Variants in DIAPH2 observed in about 807,000 individuals in gnomAD.
DIAPH2 encodes the protein diaphanous related formin 2.
In DIAPH2, 35 loss-of-function variants were observed where a neutral mutation model predicts 92.7. The observed-to-expected ratio is 0.38, with a 90% confidence interval of 0.29 to 0.50. The LOEUF is 0.50. DIAPH2 is among the 20% of genes least tolerant of loss of function. The probability of loss-of-function intolerance (pLI) is 0.94; values close to 1 mark genes in which losing one functional copy is unlikely to be tolerated. For missense variants in DIAPH2, 701 were observed against 819.5 expected (o/e 0.86, Z 1.77); for synonymous variants, 301 against 280.4 (o/e 1.07, Z -0.73).
intron 19 of DIAPH2, among the ~76,000 whole-genome samples, chrX:97,094,234 A>G (rs2066849204): frequency 9.0e-6 from 1 of 111,667 alleles, no homozygotes; most frequent in South Asian, 3.8e-4. Flanking sequence ...TTCATTTGGC[A>G]TTATCAGCAG....
intron 15 of DIAPH2, 63 bp downstream of exon 15, chrX:96,949,102 T>C (rs5920613): frequency 0.073 from 55,366 of 759,920 alleles, 2,630 homozygotes; most frequent in African/African-American, 0.3. Flanking sequence ...GAAAATTATC[T>C]TGTTATATAG....
intron 23 of DIAPH2, among the ~76,000 whole-genome samples, chrX:97,334,998 C>CAAAAAAAAAAAAAAAAA (rs746536131): frequency 1.1e-3 from 35 of 31,439 alleles, no homozygotes; most frequent in African/African-American, 1.7e-3. Context: ...AAAAACAAAA[C>CAAAAAAAAAAAAAAAAA]AAAAAAAAAA....
chrX:97,192,983 C>CATTAT (rs2067667238), intron 22 of DIAPH2, among the ~76,000 whole-genome samples: 1 of 104,266 alleles, frequency 9.6e-6, no homozygotes, highest in South Asian at 4.1e-4. Flanking sequence ...CTAAATAATA[C>CATTAT]ATTATTTCTT....
chrX:97,178,767 T>C (rs780267963), intron 22 of DIAPH2, among the ~76,000 whole-genome samples: 1 of 111,418 alleles, frequency 9.0e-6, no homozygotes, highest in South Asian at 3.8e-4. Flanking sequence ...TGTGATAGTA[T>C]TAAGAGGTGA....
At chrX:97,039,337 A>G (rs1348544601) in intron 17 of DIAPH2, among the ~76,000 whole-genome samples, 2 of 110,504 alleles carry the variant, frequency 1.8e-5, no homozygotes, top group Non-Finnish European at 3.8e-5. Flanking sequence ...GCAGTTTGCA[A>G]TTTTTTCCTG....
intron 22 of DIAPH2, among the ~76,000 whole-genome samples, chrX:97,203,594 C>A (rs2067771287): frequency 8.9e-6 from 1 of 111,827 alleles, no homozygotes; most frequent in African/African-American, 3.3e-5. Context: ...AGTTCCTGGA[C>A]ACATACACCC....
intron 22 of DIAPH2, among the ~76,000 whole-genome samples, chrX:97,210,226 A>T (rs546341497): frequency 2.4e-4 from 27 of 112,118 alleles, no homozygotes; most frequent in African/African-American, 7.7e-4. Context: ...CACATCCCTT[A>T]CTACTGTTGA....
intron 5 of DIAPH2, among the ~76,000 whole-genome samples, chrX:96,888,689 A>G (rs1359812559): frequency 9.6e-6 from 1 of 103,981 alleles, no homozygotes; most frequent in African/African-American, 3.5e-5. Flanking sequence ...ATCTGTGTAT[A>G]TATTAGTATG....
chrX:96,915,867 C>A (rs2065499805), intron 7 of DIAPH2, among the ~76,000 whole-genome samples: 1 of 111,256 alleles, frequency 9.0e-6, no homozygotes, highest in Non-Finnish European at 1.9e-5. Flanking sequence ...CTTAATAAAA[C>A]CCAGGTGCCA....
At chrX:97,575,913 C>T (rs2071397211) in intron 26 of DIAPH2, among the ~76,000 whole-genome samples, 1 of 112,101 alleles carries the variant, frequency 8.9e-6, no homozygotes, top group African/African-American at 3.2e-5. Context: ...CAAACTGTGT[C>T]TGTCTGCACA....
chrX:97,115,773 A>G (rs1169906498), intron 21 of DIAPH2, among the ~76,000 whole-genome samples: 3 of 111,738 alleles, frequency 2.7e-5, no homozygotes, highest in Admixed American at 9.5e-5. Flanking sequence ...TTGAATAACA[A>G]TCATCTTGTT....
At chrX:96,751,716 G>T (rs374568721) in intron 3 of DIAPH2, among the ~76,000 whole-genome samples, 2 of 66,503 alleles carry the variant, frequency 3.0e-5, no homozygotes, top group African/African-American at 1.1e-4. Flanking sequence ...TGCAGTGGCG[G>T]GATCTCGGCT....
rs12010693 is a variant in DIAPH2, at chrX:97,278,427, G to A, written c.2844+30588G>A. On this transcript the variant is annotated intron_variant, in intron 23 of 26. Coordinates refer to ENST00000324765, the MANE Select transcript of DIAPH2 (RefSeq NM_006729.5). ...TGTATGTCATGTATCCACCATTATA[G>A]CATTATACAGAATAGTTTACTGCCC... 3.7e-3 allele frequency among the ~76,000 whole-genome samples: 409 copies of A among 111,000 alleles called. 1 individual carries two copies. The highest frequency in any genetic ancestry group is 0.012 in the African/African-American group (377 of 30,574).
At chrX:97,305,718 G>T (rs1027292263) in intron 23 of DIAPH2, among the ~76,000 whole-genome samples, 1 of 107,486 alleles carries the variant, frequency 9.3e-6, no homozygotes, top group African/African-American at 3.4e-5. Flanking sequence ...AGCTACTTGG[G>T]AGGCTGAGGC....
chrX:97,555,351 GAA>G, intron 26 of DIAPH2: 1 of 524,633 alleles, frequency 1.9e-6, no homozygotes, highest in Non-Finnish European at 2.3e-6. Flanking sequence ...CATTCTTCAG[GAA>G]AGATGTTATA....
At chrX:97,275,378 C>T (rs1314790777) in intron 23 of DIAPH2, among the ~76,000 whole-genome samples, 3 of 106,134 alleles carry the variant, frequency 2.8e-5, no homozygotes, top group South Asian at 4.2e-4. Flanking sequence ...GGCTGCCCCC[C>T]CCACCTCCCT....
chrX:96,963,789 G>T (rs2147824344), intron 16 of DIAPH2, among the ~76,000 whole-genome samples: 1 of 111,042 alleles, frequency 9.0e-6, no homozygotes, highest in South Asian at 3.9e-4. Flanking sequence ...TGGAGGATAT[G>T]AGTGCCACCT....
In DIAPH2 at chrX:97,601,581, C is replaced by CAA. The variant is rs977993300; in HGVS notation, c.*2270_*2271dup. ...TTTAGATGATTGGAAAGTATATCACCAAAAAAAGTATATAGTGACATTTTT... is the reference window on the plus strand; with the variant it reads ...TTTAGATGATTGGAAAGTATATCACCAAAAAAAAAGTATATAGTGACATTTTT... On this transcript the variant is annotated 3_prime_UTR_variant, in exon 27 of 27. Coordinates refer to ENST00000324765, the MANE Select transcript of DIAPH2 (RefSeq NM_006729.5). 7.2e-5 allele frequency: 8 copies of CAA among 111,386 alleles called. No homozygotes were observed. The highest frequency in any genetic ancestry group is 2.9e-4 in the Admixed American group (3 of 10,488). 9.2% of individuals were successfully genotyped at this position (111,386 alleles called of 1,213,427 possible).
intron 26 of DIAPH2, among the ~76,000 whole-genome samples, chrX:97,598,810 A>AAAT (rs1384087159): frequency 8.9e-6 from 1 of 111,991 alleles, no homozygotes; most frequent in Admixed American, 9.5e-5. Context: ...TCATTGTAAA[A>AAAT]AATAAAAACT....
Sources: allele counts gnomAD v4.1 joint callset (sites outside exome capture counted in the v4.1 genomes callset), GRCh38; gene constraint gnomAD v4.1.1; transcripts MANE v1.5; gene names NCBI Gene and HGNC (gene_info 2026-07-23, HGNC 2026-07-21).